GRM7: variants seen among roughly 807,000 people sequenced by gnomAD.
The protein encoded by GRM7 is metabotropic glutamate receptor 7.
Under a neutral mutation model 84.5 loss-of-function variants are expected in GRM7, and 35 were observed. The observed-to-expected ratio is 0.41, with a 90% CI of 0.32 to 0.55. The LOEUF is 0.55. GRM7 is among the 20% of genes least tolerant of loss of function. The probability of loss-of-function intolerance (pLI) is 0.19; values close to 1 mark genes in which losing one functional copy is unlikely to be tolerated. For synonymous variants in GRM7, 487 were observed against 455.1 expected (o/e 1.07, Z -0.89); for missense variants, 1,003 against 1,194.6 (o/e 0.84, Z 2.36).
chr3:7,498,059 A>C (rs1437506446), intron 7 of GRM7, among the ~76,000 whole-genome samples: 1 of 152,200 alleles, frequency 6.6e-6, no homozygotes, highest in Non-Finnish European at 1.5e-5. Flanking sequence ...CTCATCATGT[A>C]GTTTCTTCAA....
At chr3:7,691,235 CA>C in intron 9 of GRM7, 1 of 1,282,400 alleles carries the variant, frequency 7.8e-7, no homozygotes, top group Non-Finnish European at 1.0e-6. Flanking sequence ...TCAGCTTGCA[CA>C]AAGAGGATTG....
At chr3:7,723,913 C>T (rs1400579088) in intron 9 of GRM7, among the ~76,000 whole-genome samples, 2 of 152,116 alleles carry the variant, frequency 1.3e-5, no homozygotes, top group African/African-American at 2.4e-5. Flanking sequence ...TTTAAGTAGT[C>T]TGAAACTCCT....
intron 8 of GRM7, among the ~76,000 whole-genome samples, chr3:7,646,819 T>C (rs1698667923): frequency 6.6e-6 from 1 of 152,134 alleles, no homozygotes; most frequent in African/African-American, 2.4e-5. Flanking sequence ...TTTCCTAGTC[T>C]AAAGGAAGTA....
intron 7 of GRM7, among the ~76,000 whole-genome samples, chr3:7,549,419 A>G (rs557752192): frequency 6.6e-6 from 1 of 152,300 alleles, no homozygotes; most frequent in Non-Finnish European, 1.5e-5. Context: ...AATGCTGCAA[A>G]TCAAGGTGTT....
chr3:7,304,121 A>G (rs1376242684), intron 3 of GRM7, among the ~76,000 whole-genome samples: 2 of 152,106 alleles, frequency 1.3e-5, no homozygotes, highest in African/African-American at 2.4e-5. Context: ...GTTGTGACTA[A>G]TGAGTTGCAG....
intron 1 of GRM7, among the ~76,000 whole-genome samples, chr3:7,057,821 G>A (rs949786179): frequency 6.6e-6 from 1 of 151,880 alleles, no homozygotes; most frequent in African/African-American, 2.4e-5. Flanking sequence ...TCTCGATCTA[G>A]TGCACACTCT....
intron 2 of GRM7, among the ~76,000 whole-genome samples, chr3:7,169,358 A>G (rs1031276529): frequency 1.3e-5 from 2 of 152,122 alleles, no homozygotes; most frequent in Non-Finnish European, 2.9e-5. Flanking sequence ...GGCTCTTGCA[A>G]TTTGCCCAGC....
intron 1 of GRM7, among the ~76,000 whole-genome samples, chr3:7,123,300 C>A (rs1486033078): frequency 6.6e-6 from 1 of 152,154 alleles, no homozygotes; most frequent in Non-Finnish European, 1.5e-5. Flanking sequence ...GGCCACCCAT[C>A]CTGACTGGCT....
chr3:6,944,166 T>C (rs112763174), intron 1 of GRM7, among the ~76,000 whole-genome samples: 2,227 of 152,202 alleles, frequency 0.015, 43 homozygotes, highest in African/African-American at 0.049. Context: ...CATGGTTTTC[T>C]TTTTTCTTTT....
chr3:7,149,735 C>A (rs1694224200), intron 2 of GRM7, among the ~76,000 whole-genome samples: 2 of 152,156 alleles, frequency 1.3e-5, no homozygotes, highest in African/African-American at 4.8e-5. Context: ...TAAACTTCCT[C>A]ATAGAAAGAA....
chr3:7,117,050 G>A (rs1380246349), intron 1 of GRM7, among the ~76,000 whole-genome samples: 1 of 152,170 alleles, frequency 6.6e-6, no homozygotes, highest in Admixed American at 6.5e-5. Flanking sequence ...ATTGGGAAGT[G>A]TTGGGGTTAA....
chr3:6,922,445 G>A (rs1254311218), intron 1 of GRM7, among the ~76,000 whole-genome samples: 1 of 152,188 alleles, frequency 6.6e-6, no homozygotes, highest in Non-Finnish European at 1.5e-5. Context: ...AAAGTTGGCT[G>A]TTATATTTCC....
At chr3:7,490,842 T>C (rs1476886820) in intron 7 of GRM7, among the ~76,000 whole-genome samples, 1 of 152,126 alleles carries the variant, frequency 6.6e-6, no homozygotes, top group African/African-American at 2.4e-5. Flanking sequence ...CTTGGCAATA[T>C]ATGTAAATGC....
At chr3:7,271,562 TAAAAAA>T (rs71063298) in intron 2 of GRM7, among the ~76,000 whole-genome samples, 4 of 88,808 alleles carry the variant, frequency 4.5e-5, no homozygotes, top group Admixed American at 1.4e-4. Flanking sequence ...CCGCCTCAAA[TAAAAAA>T]AAAAAAAAAA....
intron 1 of GRM7, among the ~76,000 whole-genome samples, chr3:7,108,315 A>G (rs1692724947): frequency 6.6e-6 from 1 of 152,066 alleles, no homozygotes; most frequent in Non-Finnish European, 1.5e-5. Flanking sequence ...CTTAGGCAAG[A>G]CAGATGATGA....
chr3:7,338,188 A>G (rs1233839359), intron 4 of GRM7, among the ~76,000 whole-genome samples: 1 of 151,874 alleles, frequency 6.6e-6, no homozygotes, highest in Non-Finnish European at 1.5e-5. Context: ...AAATAATGGC[A>G]TTTGCAACAA....
chr3:6,941,941 C>G (rs1697908827), intron 1 of GRM7, among the ~76,000 whole-genome samples: 4 of 152,152 alleles, frequency 2.6e-5, no homozygotes, highest in Admixed American at 2.6e-4. Flanking sequence ...GTCGTATGAA[C>G]AGAATAGAAT....
intron 1 of GRM7, among the ~76,000 whole-genome samples, chr3:7,138,290 G>A (rs116447613): frequency 1.5e-4 from 23 of 152,054 alleles, no homozygotes; most frequent in African/African-American, 5.3e-4. Flanking sequence ...GTGACAATAT[G>A]CCCAATCAAC....
At chr3:7,075,496 ATGTGTGTGTGTGTGTGTGTGTGTGTG>A (rs376048569) in intron 1 of GRM7, among the ~76,000 whole-genome samples, 1 of 138,490 alleles carries the variant, frequency 7.2e-6, no homozygotes, top group South Asian at 2.4e-4. Context: ...TGCTTCTCAG[ATGTGTGTGTGTGTGTGTGTGTGTGTG>A]TGTGTGTGTG....
Sources: gnomAD v4.1 joint callset for allele counts (sites outside exome capture counted in the v4.1 genomes callset) on GRCh38, gnomAD v4.1.1 for gene constraint, MANE v1.5 for transcripts, NCBI Gene and HGNC (gene_info 2026-07-23, HGNC 2026-07-21) for gene names.